The following SFMBT1 variants were observed in gnomAD, a reference collection of about 807,000 sequenced individuals.
SFMBT1 encodes the protein scm-like with four MBT domains protein 1.
In SFMBT1, 32 loss-of-function variants were observed where a neutral mutation model predicts 108.7. The ratio of observed to expected loss-of-function variants is 0.29; its 90% CI spans 0.22 to 0.40. The LOEUF (loss-of-function observed/expected upper bound fraction) is 0.40. Among genes scored for constraint, SFMBT1 ranks in the 10% least tolerant of loss-of-function variants. SFMBT1 has a pLI of 1.00. For missense variants in SFMBT1, 816 were observed against 1,059.6 expected, an observed-to-expected ratio of 0.77 and a Z score of 3.19; for synonymous variants, 348 against 369.5, an observed-to-expected ratio of 0.94 and a Z score of 0.67.
intron 1 of SFMBT1, among the ~76,000 whole-genome samples, chr3:52,979,738 T>C (rs1704642595): frequency 6.6e-6 from 1 of 152,226 alleles, no homozygotes; most frequent in South Asian, 2.1e-4. Context: ...ATAGTAGTGA[T>C]ACTATGAACA....
chr3:52,944,797 AG>A (rs1703303693), intron 3 of SFMBT1, among the ~76,000 whole-genome samples: 1 of 152,078 alleles, frequency 6.6e-6, no homozygotes. Context: ...TTGGGATTAC[AG>A]GCGTGAGCCA....
chr3:53,013,780 C>G (rs1421284272), intron 1 of SFMBT1, among the ~76,000 whole-genome samples: 1 of 151,474 alleles, frequency 6.6e-6, no homozygotes, highest in Non-Finnish European at 1.5e-5. Flanking sequence ...AGGCGCCCAC[C>G]ACCACACCCA....
In SFMBT1 at chr3:53,000,554, A is replaced by C. The variant is rs183297265; in HGVS notation, c.-130-31296T>G. ...CAAATGTTTCACAGGGGACTATATA[A>C]ATACATATATATGCCTATATATACA... On this transcript the variant is annotated intron_variant, in intron 1 of 20. Transcript: ENST00000394752. 4.3e-4 allele frequency among the ~76,000 whole-genome samples: 64 copies of C among 150,122 alleles called. 6 individuals carry two copies. The East Asian group carries it at 0.011, about 26-fold the overall frequency.
At chr3:52,940,115 C>T (rs545277838) in intron 4 of SFMBT1, among the ~76,000 whole-genome samples, 1 of 152,200 alleles carries the variant, frequency 6.6e-6, no homozygotes, top group Non-Finnish European at 1.5e-5. Context: ...CACATTTAAA[C>T]GAGATGCATT....
chr3:52,981,516 C>T (rs1184877404), intron 1 of SFMBT1, among the ~76,000 whole-genome samples: 1 of 149,686 alleles, frequency 6.7e-6, no homozygotes, highest in African/African-American at 2.5e-5. Context: ...GCATATGCCA[C>T]CATGCTCAGC....
intron 3 of SFMBT1, 111 bp downstream of exon 3, chr3:52,954,206 A>T: frequency 2.5e-6 from 2 of 809,134 alleles, no homozygotes; most frequent in Non-Finnish European, 2.0e-6. Flanking sequence ...AAAAGCTCTT[A>T]AATTACTTCA....
chr3:52,905,578 T>C (rs1327542426), intron 20 of SFMBT1, among the ~76,000 whole-genome samples: 1 of 152,240 alleles, frequency 6.6e-6, no homozygotes, highest in Non-Finnish European at 1.5e-5. Context: ...AACTGGCAAC[T>C]AATTGTGCCA....
intron 1 of SFMBT1, among the ~76,000 whole-genome samples, chr3:53,004,055 GT>G (rs1393713298): frequency 6.7e-6 from 1 of 149,788 alleles, no homozygotes; most frequent in Non-Finnish European, 1.5e-5. Context: ...TAGATATGAG[GT>G]TTTAACTCAA....
chr3:52,911,556 A>G (rs1163580780), intron 16 of SFMBT1, among the ~76,000 whole-genome samples: 1 of 152,222 alleles, frequency 6.6e-6, no homozygotes, highest in East Asian at 1.9e-4. Flanking sequence ...TGACCTGCCA[A>G]TTGCCTGCCA....
At chr3:52,980,377 G>A (rs1254736157) in intron 1 of SFMBT1, among the ~76,000 whole-genome samples, 4 of 152,020 alleles carry the variant, frequency 2.6e-5, no homozygotes, top group Admixed American at 1.3e-4. Flanking sequence ...TGGGCAATTC[G>A]TCTCTCCAGT....
At chr3:53,044,837 C>G (rs1422326503) in intron 1 of SFMBT1, 2 of 152,588 alleles carry the variant, frequency 1.3e-5, no homozygotes, top group East Asian at 3.8e-4. Context: ...CTGACCCAAG[C>G]GTCCACCACT....
chr3:52,954,072 C>T (rs1703690233), intron 3 of SFMBT1, among the ~76,000 whole-genome samples: 2 of 151,780 alleles, frequency 1.3e-5, no homozygotes, highest in South Asian at 2.1e-4. Flanking sequence ...TTGCAGTGAG[C>T]CAAGATCGTG....
intron 1 of SFMBT1, among the ~76,000 whole-genome samples, chr3:52,969,525 C>T (rs1704268849): frequency 6.6e-6 from 1 of 152,156 alleles, no homozygotes; most frequent in South Asian, 2.1e-4. Flanking sequence ...AAGTAAGATG[C>T]ATATGAATCA....
chr3:52,966,005 CAAAAAAAAAAAAA>C (rs775989805), intron 2 of SFMBT1, among the ~76,000 whole-genome samples: 168 of 55,042 alleles, frequency 3.1e-3, no homozygotes, highest in African/African-American at 0.012. Context: ...GACTCCGTTT[CAAAAAAAAAAAAA>C]AAAAAAAAAT....
chr3:52,950,965 T>TA (rs1703562000), intron 3 of SFMBT1, among the ~76,000 whole-genome samples: 1 of 151,218 alleles, frequency 6.6e-6, no homozygotes, highest in Admixed American at 6.6e-5. Context: ...TATATATATA[T>TA]TTTTTTAAGT....
intron 10 of SFMBT1, among the ~76,000 whole-genome samples, chr3:52,924,956 C>T (rs1027512433): frequency 1.3e-5 from 2 of 152,090 alleles, no homozygotes; most frequent in African/African-American, 4.8e-5. Flanking sequence ...TGCAGTGGCT[C>T]ATACCTGTAA....
intron 4 of SFMBT1, among the ~76,000 whole-genome samples, chr3:52,942,148 G>C (rs757700068): frequency 1.5e-4 from 23 of 151,974 alleles, no homozygotes; most frequent in Admixed American, 6.6e-5. Context: ...ATAAAAATAA[G>C]ACCATGTTTA....
intron 4 of SFMBT1, among the ~76,000 whole-genome samples, chr3:52,943,152 A>C (rs528137558): frequency 1.3e-5 from 2 of 152,336 alleles, no homozygotes; most frequent in African/African-American, 4.8e-5. Context: ...TAAAAACCTG[A>C]GGCTTTATGT....
In SFMBT1 at chr3:53,017,201, G is replaced by T. The variant is rs570018678; in HGVS notation, c.-131+28615C>A. Reference sequence around the variant, plus strand: ...CACACCCAAGCTGTTAGAAGATAAAGATGGGATCCATGCCTGTCTAATCTA... The same window carrying T: ...CACACCCAAGCTGTTAGAAGATAAATATGGGATCCATGCCTGTCTAATCTA... On this transcript the variant is annotated intron_variant, in intron 1 of 20. Coordinates refer to ENST00000394752, the MANE Select transcript of SFMBT1 (RefSeq NM_016329.4). 3.3e-5 allele frequency among the ~76,000 whole-genome samples: 5 copies of T among 152,266 alleles called. No homozygotes were observed. The East Asian group carries it at 7.7e-4, about 23-fold the overall frequency.
Sources: gnomAD v4.1 joint callset for allele counts (sites outside exome capture counted in the v4.1 genomes callset) on GRCh38, gnomAD v4.1.1 for gene constraint, MANE v1.5 for transcripts, NCBI Gene and HGNC (gene_info 2026-07-23, HGNC 2026-07-21) for gene names.